Variants in TEAD4 observed in about 807,000 individuals in gnomAD.
TEAD4 encodes transcriptional enhancer factor TEF-3.
TEAD4 carries 36 observed loss-of-function variants against 52.4 expected under a neutral mutation model. The ratio of observed to expected loss-of-function variants is 0.69; its 90% confidence interval spans 0.53 to 0.91. The LOEUF is 0.91. Among genes scored for constraint, TEAD4 ranks in the 40% least tolerant of loss-of-function variants. TEAD4 has a pLI of 0.00. For synonymous variants in TEAD4, 220 were observed against 231.0 expected (o/e 0.95, Z 0.43); for missense variants, 508 against 583.9 (o/e 0.87, Z 1.34).
At chr12:3,021,591 G>T (rs1431257117) in intron 9 of TEAD4, among the ~76,000 whole-genome samples, 1 of 152,228 alleles carries the variant, frequency 6.6e-6, no homozygotes, top group Non-Finnish European at 1.5e-5. Flanking sequence ...GATTACCGGT[G>T]TGAGCCGCCG....
intron 2 of TEAD4, among the ~76,000 whole-genome samples, chr12:2,988,508 C>A (rs1043864454): frequency 3.3e-4 from 43 of 131,248 alleles, no homozygotes; most frequent in African/African-American, 6.8e-4. Flanking sequence ...AAAAAAAGCT[C>A]AAAAAAAAAA....
chr12:3,015,018 G>A (rs2098263317), intron 5 of TEAD4, among the ~76,000 whole-genome samples: 1 of 152,194 alleles, frequency 6.6e-6, no homozygotes, highest in African/African-American at 2.4e-5. Flanking sequence ...CCTGGGAGGA[G>A]ACACACACTT....
At chr12:2,990,284 A>G (rs1322954702) in intron 2 of TEAD4, among the ~76,000 whole-genome samples, 2 of 152,144 alleles carry the variant, frequency 1.3e-5, no homozygotes, top group Non-Finnish European at 2.9e-5. Context: ...TCATTTAAAC[A>G]TAATCTCTTC....
intron 5 of TEAD4, among the ~76,000 whole-genome samples, chr12:3,016,763 C>T (rs547085105): frequency 3.9e-5 from 6 of 152,318 alleles, no homozygotes; most frequent in East Asian, 1.9e-4. Flanking sequence ...TATTGTTACC[C>T]GTGCCATCCA....
At chr12:3,038,966 A>G (rs2098281067) in intron 11 of TEAD4, among the ~76,000 whole-genome samples, 3 of 151,962 alleles carry the variant, frequency 2.0e-5, no homozygotes, top group Admixed American at 2.0e-4. Flanking sequence ...AAACCTCCTC[A>G]CCGTGCAGGC....
chr12:3,002,706 T>C (rs1230813793), intron 3 of TEAD4, among the ~76,000 whole-genome samples: 1 of 152,042 alleles, frequency 6.6e-6, no homozygotes, highest in East Asian at 1.9e-4. Flanking sequence ...CAGCACGGGG[T>C]GAGGGGAACA....
intron 3 of TEAD4, among the ~76,000 whole-genome samples, chr12:3,001,326 C>G (rs551250790): frequency 6.6e-6 from 1 of 152,336 alleles, no homozygotes; most frequent in South Asian, 2.1e-4. Context: ...GTGCAACCAT[C>G]ATCACCATCC....
intron 2 of TEAD4, among the ~76,000 whole-genome samples, chr12:2,962,498 A>T (rs1284873793): frequency 6.6e-6 from 1 of 151,350 alleles, no homozygotes; most frequent in African/African-American, 2.4e-5. Context: ...ACCGTGCCCC[A>T]CTAATTTTGT....
Position 3,038,057 on chromosome 12 carries a change from C to T in TEAD4, c.987C>T (p.Thr329=). Residue 329 remains threonine, a synonymous_variant, in exon 11 of 13, where the codon ACC becomes ACT. Coordinates refer to ENST00000359864, the MANE Select transcript of TEAD4 (RefSeq NM_003213.4). ...AGAGCCCCGAGAACATGATCATCAC[C>T]TGCTCCACGAAGGTCTGCTCTTTCG... 1 of 1,614,102 alleles carries T rather than the reference C, an allele frequency of 6.2e-7. No homozygotes were observed. Among genetic ancestry groups the T allele is most frequent in the Non-Finnish European group, 8.5e-7 (1 of 1,179,942 alleles).
intron 2 of TEAD4, among the ~76,000 whole-genome samples, chr12:2,984,289 G>T (rs1035338155): frequency 3.9e-5 from 6 of 152,220 alleles, no homozygotes; most frequent in Non-Finnish European, 8.8e-5. Context: ...AAATTTTTAG[G>T]TAGCAGAATC....
chr12:2,961,805 G>C (rs151047978), intron 2 of TEAD4, among the ~76,000 whole-genome samples: 2 of 152,144 alleles, frequency 1.3e-5, no homozygotes, highest in African/African-American at 4.8e-5. Flanking sequence ...AGTGTTTTTT[G>C]AATTAGTGTT....
In TEAD4 at chr12:2,969,343, T is replaced by G. The variant is rs148040808; in HGVS notation, c.-30+9303T>G. Among the ~76,000 whole-genome samples the G allele has an allele frequency of 1.3e-4, 20 of 152,360 alleles. No homozygotes were observed. In the Middle Eastern group the frequency reaches 0.014, roughly 104 times the overall value. On this transcript the variant is annotated intron_variant, in intron 2 of 12. Transcript: ENST00000359864. Reference sequence around the variant, plus strand: ...CACATGGGAGGATGTGCGTAAGTTATGTGCAAACACTGTACCGTTTTATAT... The same window carrying G: ...CACATGGGAGGATGTGCGTAAGTTAGGTGCAAACACTGTACCGTTTTATAT...
intron 10 of TEAD4, among the ~76,000 whole-genome samples, chr12:3,033,054 C>T (rs1266923615): frequency 6.6e-6 from 1 of 152,124 alleles, no homozygotes; most frequent in African/African-American, 2.4e-5. Flanking sequence ...TGTCGCCTCT[C>T]CCGGAGCCTT....
At chr12:2,993,401 T>C (rs2098244716) in intron 2 of TEAD4, among the ~76,000 whole-genome samples, 1 of 152,202 alleles carries the variant, frequency 6.6e-6, no homozygotes, top group African/African-American at 2.4e-5. Flanking sequence ...TCCTCCTGCC[T>C]CAGCCTCCCT....
At chr12:3,011,136 G>A (rs2098259982) in intron 4 of TEAD4, 68 bp downstream of exon 4, 1 of 1,569,772 alleles carries the variant, frequency 6.4e-7, no homozygotes, top group African/African-American at 1.3e-5. Flanking sequence ...CCCAAGGTGG[G>A]CCAGGCCCTC....
intron 5 of TEAD4, chr12:3,017,052 G>A (rs759131944): frequency 1.5e-5 from 7 of 473,760 alleles, no homozygotes; most frequent in Middle Eastern, 3.1e-4. Context: ...TTCATGCATC[G>A]TTTTCACAAG....
chr12:3,026,818 G>A (rs1479182469), intron 10 of TEAD4, among the ~76,000 whole-genome samples: 1 of 152,146 alleles, frequency 6.6e-6, no homozygotes, highest in Non-Finnish European at 1.5e-5. Context: ...GAATACAGCA[G>A]CATCTCTGCC....
intron 2 of TEAD4, chr12:2,960,277 C>A (rs1174449394): frequency 8.1e-6 from 8 of 985,264 alleles, no homozygotes; most frequent in Non-Finnish European, 9.6e-6. Context: ...CCGAGAGCAT[C>A]GGCAACAGAA....
intron 2 of TEAD4, among the ~76,000 whole-genome samples, chr12:2,986,689 G>A (rs1487783333): frequency 6.6e-6 from 1 of 151,368 alleles, no homozygotes; most frequent in Non-Finnish European, 1.5e-5. Context: ...AAAAAGAGAC[G>A]ACAAAAAGTA....
Sources: allele counts gnomAD v4.1 joint callset (sites outside exome capture counted in the v4.1 genomes callset), GRCh38; gene constraint gnomAD v4.1.1; transcripts MANE v1.5; gene names NCBI Gene and HGNC (gene_info 2026-07-23, HGNC 2026-07-21).